PKN3: variants seen among roughly 807,000 people sequenced by gnomAD.
PKN3 encodes protein kinase N3.
Under a neutral mutation model 113.1 loss-of-function variants are expected in PKN3, and 91 were observed. The ratio of observed to expected loss-of-function variants is 0.80; its 90% CI spans 0.68 to 0.96. PKN3 has a LOEUF of 0.96. Among genes scored for constraint, PKN3 ranks in the 40% least tolerant of loss-of-function variants. PKN3 has a pLI of 0.00. For synonymous variants in PKN3, 467 were observed against 499.0 expected (o/e 0.94, Z 0.85); for missense variants, 1,052 against 1,202.2 (o/e 0.88, Z 1.85).
Position 128,707,260 on chromosome 9 carries a change from C to A in PKN3, c.690C>A (p.Asp230Glu). Residue 230 changes from aspartate to glutamate, a missense_variant, in exon 6 of 22, where the codon GAC becomes GAA. Asp to Glu is a conservative substitution (Grantham distance 45, BLOSUM62 2). This residue lies in a region of PKN3 where 719 missense variants were observed against 759.4 expected (regional missense o/e 0.95). Transcript: ENST00000291906. ...TACAGGAGTCCTCTCAGAAACTGGA[C>A]CTCCTGCGCCTGGCCTTGGAGCAGC... ...AQLQESSQKL[D>E]LLRLALEQLL... is the part of the protein sequence containing the mutation. 6.2e-7 allele frequency: 1 copy of A among 1,611,904 alleles called. No individual in the cohort carries two copies. The highest frequency in any genetic ancestry group is 8.5e-7 in the Non-Finnish European group (1 of 1,178,494).
In PKN3 at chr9:128,720,630, C is replaced by T. The variant is rs1420308319; in HGVS notation, c.*24C>T. 9 of 1,593,410 alleles carry T rather than the reference C, an allele frequency of 5.6e-6. No individual in the cohort carries two copies. The highest frequency in any genetic ancestry group is 7.7e-6 in the Non-Finnish European group (9 of 1,164,636). On this transcript the variant is annotated 3_prime_UTR_variant, in exon 22 of 22. Transcript: ENST00000291906. This position sits in a 1 kb window ranked among gnomAD's most constrained non-coding sequence, Gnocchi z 5.5. ...GAGGGCATCTCCTGGCACCTCTGTC[C>T]CCTTCCCCCACAGACTGTTAGAGCC...
rs1861971644 is a variant in PKN3, at chr9:128,705,193, G to T, written c.25-110G>T. On this transcript the variant is annotated intron_variant, in intron 1 of 21. Coordinates refer to ENST00000291906, the MANE Select transcript of PKN3 (RefSeq NM_013355.5). ...GGCTTCCAAAACCCTGTGCGAGTCA[G>T]TCCTGGGTGCCGTCCCTTCCTTCGC... The T allele has an allele frequency of 2.9e-6, 4 of 1,391,826 alleles. No homozygotes were observed. In the Admixed American group the frequency reaches 7.7e-5, roughly 27 times the overall value. The allele number at this position is 1,391,826 out of a possible 1,614,324, so 86.2% of individuals were successfully genotyped here.
In PKN3 at chr9:128,705,819, G is replaced by A. The variant is rs1305628679; in HGVS notation, c.351G>A (p.Glu117=). 24 of 1,609,154 alleles carry A rather than the reference G, an allele frequency of 1.5e-5. No individual in the cohort carries two copies. The highest frequency in any genetic ancestry group is 2.0e-5 in the Non-Finnish European group (23 of 1,177,866). Residue 117 remains glutamate (E), a synonymous_variant, in exon 3 of 22, where the codon GAG becomes GAA. Coordinates refer to ENST00000291906, the MANE Select transcript of PKN3 (RefSeq NM_013355.5). ...LEALRRQLHV[E]LKVKQGAENM... is the part of the protein sequence containing the mutation. ...CTCTCCGGAGGCAGCTGCATGTGGA[G>A]CTGAAGGTGAAGCAGGGGGCTGAGA...
intron 3 of PKN3, 37 bp downstream of exon 3, chr9:128,705,916 C>A: frequency 1.3e-6 from 2 of 1,532,320 alleles, no homozygotes; most frequent in Non-Finnish European, 8.8e-7. Flanking sequence ...AGCACCCTGG[C>A]CCCTGGTCTG....
chr9:128,709,177 C>T (rs10819429), intron 6 of PKN3, among the ~76,000 whole-genome samples: 132,400 of 151,476 alleles, frequency 0.87, 60,136 homozygotes, highest in Non-Finnish European at 1. Flanking sequence ...CCCAGCTACT[C>T]GGGAGGCTGA....
chr9:128,714,329 C>G lies in PKN3; in HGVS notation c.1445C>G (p.Thr482Arg). ...CCTAAAGGATGCCCTCGGACCCCAA[C>G]AACACTGCGAGAGGCCTCTGACCCT... The part of the protein sequence containing the change: ...SPPKGCPRTP[T>R]TLREASDPAT... The change falls in exon 11 of 22, where the codon ACA becomes AGA. Residue 482 changes from threonine (T) to arginine (R), a missense_variant. Thr to Arg is a moderately conservative substitution (Grantham distance 71, BLOSUM62 -1). Coordinates refer to ENST00000291906, the MANE Select transcript of PKN3 (RefSeq NM_013355.5). The G allele has an allele frequency of 3.7e-6, 6 of 1,609,066 alleles. No individual in the cohort carries two copies. Among genetic ancestry groups the G allele is most frequent in the Non-Finnish European group, 5.1e-6 (6 of 1,177,288 alleles).
chr9:128,709,946 T>C (rs1381067655), intron 6 of PKN3: 1 of 145,786 alleles, frequency 6.9e-6, no homozygotes, highest in Non-Finnish European at 1.5e-5. Flanking sequence ...CCGAGCAGAG[T>C]GAGACTCTGA....
intron 17 of PKN3, 41 bp downstream of exon 17, chr9:128,718,428 G>C (rs760937960): frequency 1.9e-6 from 3 of 1,557,688 alleles, no homozygotes; most frequent in African/African-American, 2.7e-5. Context: ...AGGGGTGGGG[G>C]TGGGGGTGGA....
chr9:128,718,518 C>G, intron 17 of PKN3, 31 bp from the exon 18 acceptor site: 1 of 1,604,898 alleles, frequency 6.2e-7, no homozygotes, highest in South Asian at 1.1e-5. Context: ...AAGCCCCACT[C>G]AGTCCCTTTG....
intron 1 of PKN3, chr9:128,703,574 A>AGGAGGGAGAGGTGGTGTCCTGTTCC: frequency 1.0e-6 from 1 of 985,180 alleles, no homozygotes. Flanking sequence ...TCTGCTCCTG[A>AGGAGGGAGAGGTGGTGTCCTGTTCC]GGAGGGAGAG....
intron 6 of PKN3, among the ~76,000 whole-genome samples, chr9:128,710,833 A>C (rs1271814381): frequency 6.6e-6 from 1 of 152,006 alleles, no homozygotes; most frequent in Non-Finnish European, 1.5e-5. Flanking sequence ...TTGGCCTTGA[A>C]GGACTTACAC....
At position 128,714,382 on chromosome 9, in the gene PKN3, C is replaced by T; in HGVS notation, c.1481+17C>T. Reference sequence around the variant, plus strand: ...CACTCCCAGGTGAGGAGCTCCCTTGCCCTAGACTGCATGCTCCTCTGTGGC... The same window carrying T: ...CACTCCCAGGTGAGGAGCTCCCTTGTCCTAGACTGCATGCTCCTCTGTGGC... On this transcript the variant is annotated intron_variant, in intron 11 of 21. Transcript: ENST00000291906. 3.1e-6 allele frequency: 5 copies of T among 1,593,104 alleles called. No homozygotes were observed. The highest frequency in any genetic ancestry group is 4.3e-6 in the Non-Finnish European group (5 of 1,166,928).
At chr9:128,713,781 C>T (rs1335024429) in intron 9 of PKN3, 139 bp downstream of exon 9, 16 of 945,892 alleles carry the variant, frequency 1.7e-5, no homozygotes, top group Admixed American at 1.5e-4. Context: ...GGCTCCTAGC[C>T]GCTCTCTCAG....
Position 128,705,310 on chromosome 9 carries a change from C to G in PKN3, c.32C>G (p.Pro11Arg), listed in dbSNP as rs375885408. 9.3e-5 allele frequency: 144 copies of G among 1,554,230 alleles called. No individual in the cohort carries two copies. In the South Asian group the frequency reaches 1.1e-3, roughly 12 times the overall value. The change falls in exon 2 of 22, where the codon CCG becomes CGG. Residue 11 changes from proline (P) to arginine (R), a missense_variant. Physicochemically the swap from Pro to Arg is moderately radical, Grantham distance 103. This residue lies in a region of PKN3 where 719 missense variants were observed against 759.4 expected (regional missense o/e 0.95). Transcript: ENST00000291906. MEEGAPRQPG[P>R]SQWPPEDEKE... ...TTTCCACCGGCTCTGCAGCCTGGGCCGAGCCAGTGGCCCCCAGAGGATGAG... is the reference window on the plus strand; with the variant it reads ...TTTCCACCGGCTCTGCAGCCTGGGCGGAGCCAGTGGCCCCCAGAGGATGAG...
chr9:128,705,507 C>G lies in PKN3; in HGVS notation c.229C>G (p.Arg77Gly). 6.4e-7 allele frequency: 1 copy of G among 1,558,524 alleles called. No individual in the cohort carries two copies. The highest frequency in any genetic ancestry group is 1.2e-5 in the South Asian group (1 of 84,758). The change falls in exon 2 of 22, where the codon CGA becomes GGA. Residue 77 changes from arginine to glycine, a missense_variant. Coordinates refer to ENST00000291906, the MANE Select transcript of PKN3 (RefSeq NM_013355.5). Reference protein sequence around the residue: ...LHGELRELHARILLPGPGPGP... With the variant: ...LHGELRELHAGILLPGPGPGP... ...TGGCGAGCTGCGGGAGCTGCACGCC[C>G]GAATCCTGCTGCCCGGCCCTGGGCC...
chr9:128,706,569 C>A, intron 3 of PKN3, 144 bp from the exon 4 acceptor site: 1 of 638,144 alleles, frequency 1.6e-6, no homozygotes, highest in Non-Finnish European at 2.6e-6. Context: ...ACTAGTCCAA[C>A]AAGGGAGGCT....
In PKN3 at chr9:128,707,388, A is replaced by G; in HGVS notation, c.818A>G (p.Lys273Arg). Residue 273 changes from lysine (K) to arginine (R), a missense_variant, in exon 6 of 22, where the codon AAG becomes AGG. Lys to Arg is a conservative substitution (Grantham distance 26, BLOSUM62 2). Around this residue, in one of 2 missense-constraint regions of PKN3, gnomAD observed 719 missense variants for 759.4 expected, o/e 0.95. Transcript: ENST00000291906. The stretch of plus-strand genomic sequence containing the variant: ...CCCCAGCCTTCAGGGACACCTGTGA[A>G]GCCCACCGCCCTAACAGGTAGTCAG... ...GYPQPSGTPV[K>R]PTALTGTLQV... The G allele has an allele frequency of 6.2e-7, 1 of 1,610,434 alleles. No individual in the cohort carries two copies. The highest frequency in any genetic ancestry group is 8.5e-7 in the Non-Finnish European group (1 of 1,178,264).
At chr9:128,713,685 C>T (rs1032118330) in intron 9 of PKN3, 43 bp downstream of exon 9, 12 of 1,602,388 alleles carry the variant, frequency 7.5e-6, no homozygotes, top group East Asian at 6.7e-5. Flanking sequence ...GACCCTGGGG[C>T]GTCAGGGCCA....
rs201745605 is a variant in PKN3, at chr9:128,718,900, TTG to T, written c.2125+277_2125+278del. On this transcript the variant is annotated intron_variant, in intron 18 of 21. Coordinates refer to ENST00000291906, the MANE Select transcript of PKN3 (RefSeq NM_013355.5). ...TTCTGCCTTCTGTTTTTTTTTTGGTTTGTTTTTTTTTTTGAGACGGAGTCTTG... is the reference window on the plus strand; with the variant it reads ...TTCTGCCTTCTGTTTTTTTTTTGGTTTTTTTTTTTTTGAGACGGAGTCTTG... Among the ~76,000 whole-genome samples the T allele has an allele frequency of 1.5e-4, 15 of 102,150 alleles. 5 individuals carry two copies. The highest frequency in any genetic ancestry group is 3.3e-4 in the East Asian group (1 of 3,052). 67.0% of individuals were successfully genotyped at this position (102,150 alleles called of 152,430 possible). A position where few individuals can be genotyped will look rare whatever the true frequency, so the allele number is the denominator to read the frequency against.
Sources: allele counts gnomAD v4.1 joint callset (sites outside exome capture counted in the v4.1 genomes callset), GRCh38; gene constraint gnomAD v4.1.1; regional missense constraint gnomAD v4.1.1; non-coding constraint Gnocchi (gnomAD v3.1); transcripts MANE v1.5; gene names NCBI Gene and HGNC (gene_info 2026-07-23, HGNC 2026-07-21).